The following DEPDC5 variants were observed in gnomAD, a reference collection of about 807,000 sequenced individuals.
The protein encoded by DEPDC5 is DEP domain containing 5, GATOR1 subcomplex subunit, also known as GATOR1 complex protein DEPDC5.
DEPDC5 carries 73 observed loss-of-function variants against 217.3 expected under a neutral mutation model. The ratio of observed to expected loss-of-function variants is 0.34; its 90% confidence interval spans 0.28 to 0.41. The LOEUF (loss-of-function observed/expected upper bound fraction) is 0.41. Among genes scored for constraint, DEPDC5 ranks in the 10% least tolerant of loss-of-function variants. The pLI is 1.00. For missense variants in DEPDC5, 1,675 were observed against 2,070.1 expected (o/e 0.81, Z 3.70); for synonymous variants, 733 against 756.7 (o/e 0.97, Z 0.51).
At chr22:31,837,819 A>G (rs1332185225) in intron 26 of DEPDC5, among the ~76,000 whole-genome samples, 3 of 152,092 alleles carry the variant, frequency 2.0e-5, no homozygotes, top group African/African-American at 7.2e-5. Flanking sequence ...CTCACGTCTC[A>G]GCCTCCTGAG....
chr22:31,829,277 A>G (rs1215046877), intron 24 of DEPDC5, among the ~76,000 whole-genome samples: 2 of 152,324 alleles, frequency 1.3e-5, no homozygotes, highest in Non-Finnish European at 2.9e-5. Context: ...GACGCCTGTA[A>G]TCCCAGCACT....
rs143357365 is a variant in DEPDC5, at chr22:31,847,656, T to C, written c.3155+689T>C. Among the ~76,000 whole-genome samples the C allele has an allele frequency of 2.2e-3, 329 of 152,234 alleles. 3 individuals carry two copies. Among genetic ancestry groups the C allele is most frequent in the African/African-American group, 7.3e-3 (304 of 41,524 alleles). The stretch of plus-strand genomic sequence containing the variant: ...TGGAGGTAACTGCCCCCATGATTAA[T>C]TTACCTCCCACCTGGACCATCCCAT... On this transcript the variant is annotated intron_variant, in intron 31 of 42. Transcript: ENST00000651528.
At chr22:31,784,943 T>C (rs957186502) in intron 10 of DEPDC5, 68 bp downstream of exon 10, 10 of 1,449,426 alleles carry the variant, frequency 6.9e-6, no homozygotes, top group Non-Finnish European at 9.5e-6. Flanking sequence ...TAAAATGCAC[T>C]GTTTTTATTA....
intron 24 of DEPDC5, among the ~76,000 whole-genome samples, chr22:31,833,338 T>C (rs1455307742): frequency 6.6e-6 from 1 of 152,218 alleles, no homozygotes; most frequent in African/African-American, 2.4e-5. Context: ...AGCCCAGTTA[T>C]AGGTAAAATC....
At chr22:31,780,798 G>A (rs894435375) in intron 8 of DEPDC5, among the ~76,000 whole-genome samples, 2 of 152,194 alleles carry the variant, frequency 1.3e-5, no homozygotes, top group African/African-American at 2.4e-5. Flanking sequence ...GACTGTGTGC[G>A]CCCTCAGAGC....
intron 38 of DEPDC5, among the ~76,000 whole-genome samples, chr22:31,889,976 C>T (rs547219909): frequency 1.3e-5 from 2 of 152,252 alleles, no homozygotes; most frequent in South Asian, 4.2e-4. Context: ...CAACCAGTGT[C>T]CATGGGCGGC....
At chr22:31,870,875 C>T (rs2092822060) in intron 34 of DEPDC5, 131 bp downstream of exon 34, 2 of 1,005,852 alleles carry the variant, frequency 2.0e-6, no homozygotes, top group African/African-American at 3.4e-5. Context: ...CGACCCTGGG[C>T]AAGTTAGTCC....
At chr22:31,773,227 G>A (rs990646684) in intron 7 of DEPDC5, among the ~76,000 whole-genome samples, 17 of 151,756 alleles carry the variant, frequency 1.1e-4, no homozygotes, top group South Asian at 2.1e-4. Flanking sequence ...TTCCTCTATC[G>A]CCCAGGCTGG....
At chr22:31,835,885 T>G (rs1298912660) in intron 25 of DEPDC5, among the ~76,000 whole-genome samples, 1 of 152,220 alleles carries the variant, frequency 6.6e-6, no homozygotes, top group African/African-American at 2.4e-5. Context: ...CACACAAATT[T>G]TGTTCTTCAT....
At chr22:31,837,341 CT>C (rs955724114) in intron 26 of DEPDC5, 186 bp downstream of exon 26, 44 of 614,158 alleles carry the variant, frequency 7.2e-5, no homozygotes, top group Middle Eastern at 4.5e-4. Flanking sequence ...TGTATTTTAT[CT>C]TTTTTTTTCC....
At chr22:31,765,149 G>C in intron 5 of DEPDC5, 89 bp downstream of exon 5, 1 of 1,041,074 alleles carries the variant, frequency 9.6e-7, no homozygotes, top group Admixed American at 1.8e-5. Context: ...GGTTACTTAA[G>C]TGTAGTGTTA....
chr22:31,809,034 C>T (rs933351354), intron 18 of DEPDC5, among the ~76,000 whole-genome samples: 1 of 152,164 alleles, frequency 6.6e-6, no homozygotes, highest in African/African-American at 2.4e-5. Context: ...TCCCAAGGTG[C>T]TGGGATTACA....
chr22:31,762,185 C>T (rs2082448282), intron 4 of DEPDC5, among the ~76,000 whole-genome samples: 1 of 151,992 alleles, frequency 6.6e-6, no homozygotes, highest in South Asian at 2.1e-4. Flanking sequence ...TTGATGATCG[C>T]CCACCACATT....
chr22:31,772,193 T>G (rs1395925164), intron 7 of DEPDC5, among the ~76,000 whole-genome samples: 3 of 152,190 alleles, frequency 2.0e-5, no homozygotes, highest in Non-Finnish European at 2.9e-5. Flanking sequence ...TGCATTATTG[T>G]ACTCCAGCCT....
chr22:31,836,892 T>G, intron 25 of DEPDC5, 80 bp from the exon 26 acceptor site: 24 of 900,280 alleles, frequency 2.7e-5, no homozygotes, highest in East Asian at 6.3e-5. Flanking sequence ...CACTCTTCCC[T>G]CCCCTTCCCT....
At chr22:31,804,050 C>T (rs1055597582) in intron 15 of DEPDC5, 112 bp from the exon 16 acceptor site, 2 of 953,964 alleles carry the variant, frequency 2.1e-6, no homozygotes, top group South Asian at 1.4e-5. Flanking sequence ...ATAAATCATA[C>T]AATGGTAAGT....
At chr22:31,885,497 G>A (rs985821186) in intron 38 of DEPDC5, among the ~76,000 whole-genome samples, 1 of 151,964 alleles carries the variant, frequency 6.6e-6, no homozygotes, top group Non-Finnish European at 1.5e-5. Flanking sequence ...AGGCCGAGGC[G>A]GGTGGATCAC....
chr22:31,790,236 A>G (rs1321081261), intron 10 of DEPDC5, among the ~76,000 whole-genome samples: 1 of 152,104 alleles, frequency 6.6e-6, no homozygotes, highest in African/African-American at 2.4e-5. Context: ...ACATTATATT[A>G]TGTGCCTTAT....
intron 18 of DEPDC5, among the ~76,000 whole-genome samples, chr22:31,808,906 A>G (rs1020392032): frequency 6.6e-6 from 1 of 151,938 alleles, no homozygotes; most frequent in African/African-American, 2.4e-5. Context: ...TATTGTTGTG[A>G]AAGTTTTCAG....
Sources: allele counts gnomAD v4.1 joint callset (sites outside exome capture counted in the v4.1 genomes callset), GRCh38; gene constraint gnomAD v4.1.1; transcripts MANE v1.5; gene names NCBI Gene and HGNC (gene_info 2026-07-23, HGNC 2026-07-21).